SETDB1: variants seen among roughly 807,000 people sequenced by gnomAD.
SETDB1 encodes SET domain bifurcated histone lysine methyltransferase 1, also known as histone-lysine N-methyltransferase SETDB1.
A neutral mutation model predicts 137.4 loss-of-function variants in SETDB1; 31 were observed. The ratio of observed to expected loss-of-function variants is 0.23; its 90% confidence interval spans 0.17 to 0.30. The LOEUF (loss-of-function observed/expected upper bound fraction) is 0.30, where lower values mean the gene tolerates loss of function less well. Among genes scored for constraint, SETDB1 ranks in the 10% least tolerant of loss-of-function variants. The pLI is 1.00. For synonymous variants in SETDB1, 548 were observed against 579.9 expected, an observed-to-expected ratio of 0.95 and a Z score of 0.79; for missense variants, 1,113 against 1,631.5, an observed-to-expected ratio of 0.68 and a Z score of 5.47.
intron 1 of SETDB1, 36 bp downstream of exon 1, chr1:150,926,553 A>C (rs887285730): frequency 2.7e-6 from 1 of 369,860 alleles, no homozygotes; most frequent in African/African-American, 2.2e-5. Flanking sequence ...TGGTGACCAA[A>C]GGCTTATCTG....
rs761722681 is a variant in SETDB1 at position 150,962,652 on chromosome 1, G to A, written c.3227G>A (p.Arg1076His). ...PSPVKPEGLRRPPSKTSMHQS... is the reference protein window; with the variant it reads ...PSPVKPEGLRHPPSKTSMHQS... ...CCTGTGAAGCCTGAAGGACTTCGCCGCCCACCTAGTAAGACTAGTATGCAT... is the reference window on the plus strand; with the variant it reads ...CCTGTGAAGCCTGAAGGACTTCGCCACCCACCTAGTAAGACTAGTATGCAT... The change falls in exon 18 of 22, where the codon CGC (arginine) becomes CAC (histidine). Residue 1076 changes from arginine to histidine, a missense_variant. By Grantham distance (29) the Arg-to-His change is conservative (BLOSUM62 0). This residue lies in a region of SETDB1 where 373 missense variants were observed against 412.7 expected (regional missense o/e 0.90). Transcript: ENST00000692827. 2.5e-5 allele frequency: 40 copies of A among 1,613,558 alleles called. No homozygotes were observed. The highest frequency in any genetic ancestry group is 5.3e-5 in the African/African-American group (4 of 74,802).
intron 2 of SETDB1, among the ~76,000 whole-genome samples, chr1:150,928,758 C>T (rs587762151): frequency 3.3e-5 from 5 of 151,884 alleles, no homozygotes; most frequent in African/African-American, 1.2e-4. Context: ...CCCCACCCCA[C>T]GACAGGCCCC....
At chr1:150,952,125 G>A (rs1010763696) in intron 14 of SETDB1, among the ~76,000 whole-genome samples, 1 of 151,674 alleles carries the variant, frequency 6.6e-6, no homozygotes, top group African/African-American at 2.4e-5. Context: ...TTCAGCCTGG[G>A]TGACAAGAGC....
rs746153161 is a variant in SETDB1, at chr1:150,964,033, C to T, written c.3711C>T (p.Phe1237=). 11 of 1,613,986 alleles carry T rather than the reference C, an allele frequency of 6.8e-6. No individual in the cohort carries two copies. Among genetic ancestry groups the T allele is most frequent in the Admixed American group, 3.3e-5 (2 of 59,992 alleles). The part of the protein sequence containing the change: ...CSPNLFVQNV[F]VDTHDLRFPW... ...CCAACCTGTTTGTCCAGAATGTCTT[C>T]GTGGATACCCATGATCTTCGCTTCC... The change falls in exon 21 of 22, where the codon TTC becomes TTT. Residue 1237 remains phenylalanine, a synonymous_variant. Transcript: ENST00000692827.
chr1:150,961,337 C>T, intron 16 of SETDB1, 146 bp downstream of exon 16: 6 of 840,078 alleles, frequency 7.1e-6, no homozygotes, highest in South Asian at 5.0e-5. Context: ...CTAACTAGCA[C>T]ATTCCTAGTG....
chr1:150,956,351 A>G (rs1403180404), intron 14 of SETDB1, among the ~76,000 whole-genome samples: 1 of 150,386 alleles, frequency 6.6e-6, no homozygotes, highest in Non-Finnish European at 1.5e-5. Context: ...CCACCACTGC[A>G]CTCCGGCCTA....
In SETDB1 at chr1:150,961,409, T is replaced by C. The variant is rs865791527; in HGVS notation, c.3132+218T>C. 22 of 431,442 alleles carry C rather than the reference T, an allele frequency of 5.1e-5. No homozygotes were observed. In the Middle Eastern group the frequency reaches 3.0e-3, roughly 59 times the overall value. The allele number at this position is 431,442 out of a possible 1,614,324, so 26.7% of individuals were successfully genotyped here. On this transcript the variant is annotated intron_variant, in intron 16 of 21. Transcript: ENST00000692827. ...GGCTCACACCTGTAATCCCAACACT[T>C]TGGGAGGCCGAGGCAGGTGGATAAC...
intron 10 of SETDB1, among the ~76,000 whole-genome samples, chr1:150,947,221 A>G (rs1256150053): frequency 1.3e-5 from 2 of 152,176 alleles, no homozygotes; most frequent in African/African-American, 4.8e-5. Flanking sequence ...CAACCACATA[A>G]AAATCTGAAA....
At chr1:150,951,279 C>T (rs1670483450) in intron 13 of SETDB1, 86 bp from the exon 14 acceptor site, 2 of 1,165,226 alleles carry the variant, frequency 1.7e-6, no homozygotes, top group East Asian at 2.3e-5. Context: ...CATGGCCACA[C>T]TGAGCAACCT....
intron 9 of SETDB1, among the ~76,000 whole-genome samples, chr1:150,946,368 T>C (rs1271587316): frequency 6.6e-6 from 1 of 152,146 alleles, no homozygotes; most frequent in Admixed American, 6.6e-5. Context: ...TGTAATTCCT[T>C]AAACAAGGAG....
intron 1 of SETDB1, chr1:150,926,871 G>A (rs1435192415): frequency 3.8e-6 from 2 of 532,192 alleles, no homozygotes; most frequent in Admixed American, 3.9e-5. Context: ...CCTTTTTGCT[G>A]CAAGCTTTCG....
At chr1:150,956,106 A>G (rs1670632006) in intron 14 of SETDB1, among the ~76,000 whole-genome samples, 2 of 141,598 alleles carry the variant, frequency 1.4e-5, no homozygotes, top group African/African-American at 2.7e-5. Flanking sequence ...AAAAAAAAAA[A>G]GCCAAGCGCA....
intron 16 of SETDB1, 75 bp downstream of exon 16, chr1:150,961,266 CTT>C: frequency 7.1e-7 from 1 of 1,414,764 alleles, no homozygotes; most frequent in Non-Finnish European, 9.8e-7. Flanking sequence ...CACCATGAGT[CTT>C]TGCATGTAGA....
chr1:150,932,801 TTTA>T (rs1669800681), intron 3 of SETDB1, among the ~76,000 whole-genome samples: 1 of 152,212 alleles, frequency 6.6e-6, no homozygotes, highest in Non-Finnish European at 1.5e-5. Flanking sequence ...TCTAAAGCTA[TTTA>T]TTTCCCCGTA....
Position 150,959,179 on chromosome 1 carries a change from G to T in SETDB1, c.2335G>T (p.Val779Leu), listed in dbSNP as rs752610674. The T allele has an allele frequency of 3.2e-6, 5 of 1,567,312 alleles. No homozygotes were observed. The highest frequency in any genetic ancestry group is 1.4e-5 in the African/African-American group (1 of 72,276). Residue 779 changes from valine (V) to leucine (L), a missense_variant and splice_region_variant, in exon 15 of 22, where the codon GTA becomes TTA. Val to Leu is a conservative substitution (Grantham distance 32). Transcript: ENST00000692827. ...GATTTTATTCTAACCTCCTCCCAGG[G>T]TATATGAGTGTAACAAACGCTGCAA... ...KRLEECLPTG[V>L]YECNKRCKCD...
intron 3 of SETDB1, 38 bp from the exon 4 acceptor site, chr1:150,939,901 TA>T: frequency 6.5e-7 from 1 of 1,543,334 alleles, no homozygotes; most frequent in Non-Finnish European, 8.9e-7. Context: ...TTCCTCTGTG[TA>T]AGTCTCTGAC....
At chr1:150,962,944 C>A (rs764413695) in intron 18 of SETDB1, 30 bp from the exon 19 acceptor site, 1 of 1,607,760 alleles carries the variant, frequency 6.2e-7, no homozygotes, top group Non-Finnish European at 8.5e-7. Context: ...CCATTTACTT[C>A]TCTTACTTCT....
intron 14 of SETDB1, among the ~76,000 whole-genome samples, chr1:150,956,891 G>T (rs1159043389): frequency 1.3e-5 from 2 of 152,140 alleles, no homozygotes; most frequent in Non-Finnish European, 2.9e-5. Flanking sequence ...GTGGTGGGGG[G>T]ATGGCTTGAG....
At chr1:150,955,465 C>T (rs1428509704) in intron 14 of SETDB1, among the ~76,000 whole-genome samples, 2 of 152,226 alleles carry the variant, frequency 1.3e-5, no homozygotes, top group Non-Finnish European at 2.9e-5. Flanking sequence ...TGTTTTCCAG[C>T]CTGCCTCTGG....
Sources: gnomAD v4.1 joint callset for allele counts (sites outside exome capture counted in the v4.1 genomes callset) on GRCh38, gnomAD v4.1.1 for gene constraint, gnomAD v4.1.1 regional missense constraint, MANE v1.5 for transcripts, NCBI Gene and HGNC (gene_info 2026-07-23, HGNC 2026-07-21) for gene names.